The following KIF11 variants were observed in gnomAD, a reference collection of about 807,000 sequenced individuals.
KIF11 encodes kinesin-like protein KIF11.
KIF11 carries 9 observed loss-of-function variants against 121.0 expected under a neutral mutation model. That is an observed-to-expected ratio of 0.07 (90% CI 0.04 to 0.13). The LOEUF (loss-of-function observed/expected upper bound fraction) is 0.13, where lower values mean the gene tolerates loss of function less well. Among genes scored for constraint, KIF11 ranks in the 10% least tolerant of loss-of-function variants. The probability of loss-of-function intolerance (pLI) is 1.00; values close to 1 mark genes in which losing one functional copy is unlikely to be tolerated. For missense variants in KIF11, 846 were observed against 1,217.5 expected (o/e 0.69, Z 4.54); for synonymous variants, 408 against 421.0 (o/e 0.97, Z 0.38).
intron 9 of KIF11, among the ~76,000 whole-genome samples, chr10:92,620,507 A>G (rs1375750256): frequency 6.6e-6 from 1 of 152,180 alleles, no homozygotes; most frequent in African/African-American, 2.4e-5. Flanking sequence ...GATTTAAACT[A>G]TTTGTGTTAA....
chr10:92,603,996 A>G (rs1455022750), intron 1 of KIF11, among the ~76,000 whole-genome samples: 1 of 152,122 alleles, frequency 6.6e-6, no homozygotes, highest in Non-Finnish European at 1.5e-5. Flanking sequence ...TTGTGGAATG[A>G]GTTAATTTAG....
chr10:92,652,064 G>C (rs1018585487), intron 21 of KIF11, among the ~76,000 whole-genome samples: 3 of 147,642 alleles, frequency 2.0e-5, no homozygotes, highest in Non-Finnish European at 4.5e-5. Flanking sequence ...TCCTACCTCA[G>C]CCTCCCAAAA....
chr10:92,633,091 G>C (rs1253840364), intron 13 of KIF11, among the ~76,000 whole-genome samples: 1 of 151,840 alleles, frequency 6.6e-6, no homozygotes, highest in Admixed American at 6.6e-5. Context: ...TATATATCTT[G>C]ATGGTTTGCT....
At chr10:92,653,501 C>T (rs1007228897) in intron 21 of KIF11, among the ~76,000 whole-genome samples, 164 bp from the exon 22 acceptor site, 5 of 152,150 alleles carry the variant, frequency 3.3e-5, no homozygotes, top group South Asian at 2.1e-4. Flanking sequence ...AGGCATTTGG[C>T]GCTACTTGCC....
intron 12 of KIF11, among the ~76,000 whole-genome samples, 194 bp from the exon 13 acceptor site, chr10:92,632,292 T>C (rs1318098814): frequency 6.6e-6 from 1 of 151,798 alleles, no homozygotes; most frequent in Non-Finnish European, 1.5e-5. Flanking sequence ...CTCAGCCTCT[T>C]GAGTAGCTGG....
intron 17 of KIF11, among the ~76,000 whole-genome samples, chr10:92,641,037 T>C (rs548668256): frequency 5.3e-5 from 8 of 152,346 alleles, no homozygotes; most frequent in African/African-American, 1.9e-4. Flanking sequence ...TGTGAGTCAC[T>C]GCTCCCAGCC....
chr10:92,623,199 C>G (rs1844637219), intron 10 of KIF11, among the ~76,000 whole-genome samples: 1 of 152,208 alleles, frequency 6.6e-6, no homozygotes, highest in African/African-American at 2.4e-5. Flanking sequence ...ATCTTTCTTG[C>G]TAATTCACTG....
chr10:92,606,589 G>GT, intron 2 of KIF11, 30 bp from the exon 3 acceptor site: 1 of 1,111,588 alleles, frequency 9.0e-7, no homozygotes, highest in South Asian at 1.5e-5. Flanking sequence ...TTTTGAGGTT[G>GT]ATTTTTTTTT....
At chr10:92,644,970 T>C (rs1844903613) in intron 17 of KIF11, among the ~76,000 whole-genome samples, 1 of 152,226 alleles carries the variant, frequency 6.6e-6, no homozygotes, top group Admixed American at 6.5e-5. Flanking sequence ...TTTTACATAC[T>C]AGGCAAGGGA....
At position 92,637,218 on chromosome 10, in the gene KIF11, A is replaced by T; in HGVS notation, c.1910A>T (p.Glu637Val). Reference protein sequence around the residue: ...VLKTDLLSSLEMILSPTVVSI... With the variant: ...VLKTDLLSSLVMILSPTVVSI... ...AAGACTGATCTTCTAAGTTCACTGG[A>T]AATGATTTTATCCCCAACTGTGGTG... is the stretch of plus-strand genomic sequence containing the variant. The change falls in exon 15 of 22, where the codon GAA (glutamate) becomes GTA (valine). Residue 637 changes from glutamate to valine, a missense_variant. Around this residue, in one of 5 missense-constraint regions of KIF11, gnomAD observed 492 missense variants for 603.4 expected, o/e 0.82. Coordinates refer to ENST00000260731, the MANE Select transcript of KIF11 (RefSeq NM_004523.4). 1 of 1,586,080 alleles carries T rather than the reference A, an allele frequency of 6.3e-7. No homozygotes were observed. The highest frequency in any genetic ancestry group is 8.5e-7 in the Non-Finnish European group (1 of 1,173,336).
intron 14 of KIF11, among the ~76,000 whole-genome samples, chr10:92,636,755 G>A (rs4933732): frequency 0.11 from 17,266 of 151,654 alleles, 1,185 homozygotes; most frequent in African/African-American, 0.17. Context: ...GAATGGGGCC[G>A]GGCGCGGTGG....
chr10:92,612,665 A>G (rs948893713), intron 6 of KIF11, among the ~76,000 whole-genome samples: 3 of 152,206 alleles, frequency 2.0e-5, no homozygotes, highest in Non-Finnish European at 4.4e-5. Context: ...ACCTGGTACC[A>G]TTTGAATTTA....
intron 19 of KIF11, 67 bp from the exon 20 acceptor site, chr10:92,649,768 T>C (rs1350099351): frequency 2.0e-5 from 22 of 1,085,744 alleles, no homozygotes; most frequent in Non-Finnish European, 2.8e-5. Flanking sequence ...TAGGAAGTTT[T>C]AGGTTTTTTT....
intron 12 of KIF11, among the ~76,000 whole-genome samples, chr10:92,631,769 G>A (rs1433855135): frequency 2.0e-5 from 3 of 151,568 alleles, no homozygotes; most frequent in African/African-American, 7.3e-5. Context: ...TTTGCCTCCC[G>A]GGTTCAAGCG....
chr10:92,605,167 T>TA (rs1453257053), intron 1 of KIF11, among the ~76,000 whole-genome samples: 1 of 152,192 alleles, frequency 6.6e-6, no homozygotes, highest in African/African-American at 2.4e-5. Context: ...TCATTTCAAC[T>TA]AAATACCTAC....
intron 21 of KIF11, 51 bp downstream of exon 21, chr10:92,650,568 C>T (rs1844970182): frequency 2.0e-6 from 2 of 993,936 alleles, no homozygotes; most frequent in East Asian, 2.4e-5. Flanking sequence ...CATTCATTTA[C>T]TATTCATTAT....
intron 14 of KIF11, 116 bp downstream of exon 14, chr10:92,633,911 C>T: frequency 1.5e-6 from 1 of 652,498 alleles, no homozygotes; most frequent in Non-Finnish European, 2.6e-6. Flanking sequence ...GCTATTCTTT[C>T]TTCCTGAGCT....
chr10:92,602,911 A>G lies in KIF11; in HGVS notation c.78-3354A>G, dbSNP rs868059972. ...GCTCTTGTTGCCCAGGCTGGGGTGC[A>G]ATGGCGCGATCTCGGCTCACTGCAA... On this transcript the variant is annotated intron_variant, in intron 1 of 21. Coordinates refer to ENST00000260731, the MANE Select transcript of KIF11 (RefSeq NM_004523.4). Among the ~76,000 whole-genome samples the G allele has an allele frequency of 5.3e-5, 8 of 150,470 alleles. No individual in the cohort carries two copies. In the South Asian group the frequency reaches 8.5e-4, roughly 16 times the overall value.
intron 8 of KIF11, among the ~76,000 whole-genome samples, chr10:92,614,018 G>GTA (rs200297076): frequency 0.037 from 2,365 of 64,476 alleles, 34 homozygotes; most frequent in East Asian, 0.12. Context: ...AAAAGTATGT[G>GTA]TATACACACA....
Sources: gnomAD v4.1 joint callset for allele counts (sites outside exome capture counted in the v4.1 genomes callset) on GRCh38, gnomAD v4.1.1 for gene constraint, gnomAD v4.1.1 regional missense constraint, MANE v1.5 for transcripts, NCBI Gene and HGNC (gene_info 2026-07-23, HGNC 2026-07-21) for gene names.